Variants in ASB2 observed in about 807,000 individuals in gnomAD.
ASB2 encodes the protein ankyrin repeat and SOCS box protein 2.
Under a neutral mutation model 62.4 loss-of-function variants are expected in ASB2, and 58 were observed. The observed-to-expected ratio is 0.93, with a 90% CI of 0.75 to 1.16. The LOEUF (loss-of-function observed/expected upper bound fraction) is 1.16, where lower values mean the gene tolerates loss of function less well. ASB2 is among the 50% of genes most tolerant of loss of function. The probability of loss-of-function intolerance (pLI) is 0.00; values close to 1 mark genes in which losing one functional copy is unlikely to be tolerated. For synonymous variants in ASB2, 386 were observed against 385.3 expected (o/e 1.00, Z -0.02); for missense variants, 928 against 887.9 (o/e 1.05, Z -0.57).
Position 93,964,378 on chromosome 14 carries a change from A to C in ASB2, c.162T>G (p.Ser54=). 5 of 1,536,130 alleles carry C rather than the reference A, an allele frequency of 3.3e-6. No individual in the cohort carries two copies. The highest frequency in any genetic ancestry group is 2.6e-6 in the Non-Finnish European group (3 of 1,146,890). The stretch of plus-strand genomic sequence containing the variant: ...GGGCAGGTTGGCGGTTGGTACATGC[A>C]GACGCGGTGGCCTCAGCAGTGGTTG... ...RGPTTAEATA[S]ACTNRQPAHF... Residue 54 remains serine, a synonymous_variant, in exon 2 of 10, where the codon TCT becomes TCG. Coordinates refer to ENST00000555019, the MANE Select transcript of ASB2 (RefSeq NM_001202429.2).
chr14:93,947,254 G>A, intron 7 of ASB2, 95 bp downstream of exon 7: 11 of 1,357,518 alleles, frequency 8.1e-6, no homozygotes, highest in Non-Finnish European at 1.1e-5. Flanking sequence ...TAATCCTGTG[G>A]GTGGGACATT....
At chr14:93,948,302 A>C (rs549508095) in intron 6 of ASB2, 1 of 154,402 alleles carries the variant, frequency 6.5e-6, no homozygotes. Context: ...GGCAGAGGCC[A>C]TGGTGGATAT....
Position 93,964,376 on chromosome 14 carries a change from G to T in ASB2, c.164C>A (p.Ala55Glu), listed in dbSNP as rs369625221. ...ATGGGCAGGTTGGCGGTTGGTACATGCAGACGCGGTGGCCTCAGCAGTGGT... is the reference window on the plus strand; with the variant it reads ...ATGGGCAGGTTGGCGGTTGGTACATTCAGACGCGGTGGCCTCAGCAGTGGT... Reference protein sequence around the residue: ...GPTTAEATASACTNRQPAHFY... With the variant: ...GPTTAEATASECTNRQPAHFY... The change falls in exon 2 of 10, where the codon GCA (alanine) becomes GAA (glutamate). Residue 55 changes from alanine (A) to glutamate (E), a missense_variant. Ala to Glu is a moderately radical substitution (Grantham distance 107). Coordinates refer to ENST00000555019, the MANE Select transcript of ASB2 (RefSeq NM_001202429.2). The T allele has an allele frequency of 8.5e-6, 13 of 1,536,154 alleles. No homozygotes were observed. Among genetic ancestry groups the T allele is most frequent in the East Asian group, 4.9e-5 (2 of 40,910 alleles).
chr14:93,943,979 G>A, intron 7 of ASB2: 1 of 456,102 alleles, frequency 2.2e-6, no homozygotes, highest in South Asian at 1.5e-5. Context: ...TAAAAACGAG[G>A]GAGGCAGAAG....
Position 93,964,631 on chromosome 14 carries a change from C to T in ASB2, c.-73-19G>A, listed in dbSNP as rs775744278. The T allele has an allele frequency of 8.4e-7, 1 of 1,187,782 alleles. No homozygotes were observed. The highest frequency in any genetic ancestry group is 1.5e-5 in the African/African-American group (1 of 66,352). 73.6% of individuals were successfully genotyped at this position (1,187,782 alleles called of 1,614,324 possible). ...GAAAACCCTGTGAGGAAACCAAAAC[C>T]ATCCTGGTCACGAACAGTTTTGCAG... On this transcript the variant is annotated intron_variant, in intron 1 of 9. Coordinates refer to ENST00000555019, the MANE Select transcript of ASB2 (RefSeq NM_001202429.2).
chr14:93,935,438 AT>A (rs1475341295), intron 9 of ASB2, among the ~76,000 whole-genome samples: 3 of 152,088 alleles, frequency 2.0e-5, no homozygotes, highest in African/African-American at 7.2e-5. Context: ...TCATTCATTC[AT>A]TCATTCATTC....
chr14:93,970,259 C>T (rs571279265), intron 1 of ASB2, among the ~76,000 whole-genome samples: 1 of 152,228 alleles, frequency 6.6e-6, no homozygotes, highest in Non-Finnish European at 1.5e-5. Context: ...AGCCATCCTC[C>T]ACCACACCAA....
intron 1 of ASB2, chr14:93,969,780 C>T (rs1389966455): frequency 1.3e-5 from 2 of 152,266 alleles, no homozygotes; most frequent in Non-Finnish European, 2.9e-5. Context: ...GAGTGCCTCT[C>T]CTGCCCTCTT....
intron 2 of ASB2, 96 bp downstream of exon 2, chr14:93,964,238 C>CAGGAT (rs1889506660): frequency 8.9e-7 from 1 of 1,119,160 alleles, no homozygotes; most frequent in Non-Finnish European, 1.3e-6. Flanking sequence ...ACCTAGAGAC[C>CAGGAT]AGGATACCGT....
rs566280539 is a variant in ASB2, at chr14:93,961,312, T to A, written c.206+3022A>T. 2.6e-5 allele frequency among the ~76,000 whole-genome samples: 4 copies of A among 152,332 alleles called. No homozygotes were observed. In the South Asian group the frequency reaches 8.3e-4, roughly 32 times the overall value. ...CACCTAAGGTTGCACAGCCAGTAAG[T>A]GTAGAGGAAGAATTTGAATCTCTAG... is the stretch of plus-strand genomic sequence containing the variant. On this transcript the variant is annotated intron_variant, in intron 2 of 9. Coordinates refer to ENST00000555019, the MANE Select transcript of ASB2 (RefSeq NM_001202429.2).
Position 93,951,057 on chromosome 14 carries a change from G to C in ASB2, c.822C>G (p.Pro274=). 1 of 1,614,168 alleles carries C rather than the reference G, an allele frequency of 6.2e-7. No individual in the cohort carries two copies. Among genetic ancestry groups the C allele is most frequent in the South Asian group, 1.1e-5 (1 of 91,088 alleles). The change falls in exon 6 of 10, where the codon CCC becomes CCG. Residue 274 remains proline (P), a synonymous_variant. Transcript: ENST00000555019. ...GTCCACTCTGGGCGGCCACGAACAA[G>C]GGGGTGATGCCGTAGGCGTTCTTGG... ...VESKNAYGIT[P]LFVAAQSGQL...
chr14:93,934,645 C>A lies in ASB2; in HGVS notation c.*11G>T. Reference sequence around the variant, plus strand: ...GTCTGAGGGGCTACTCCTCTCTCCCCGTGGCCCCAGTTACTGGGTGTTCTC... The same window carrying A: ...GTCTGAGGGGCTACTCCTCTCTCCCAGTGGCCCCAGTTACTGGGTGTTCTC... On this transcript the variant is annotated 3_prime_UTR_variant, in exon 10 of 10. Coordinates refer to ENST00000555019, the MANE Select transcript of ASB2 (RefSeq NM_001202429.2). 6.2e-7 allele frequency: 1 copy of A among 1,613,824 alleles called. No homozygotes were observed. Among genetic ancestry groups the A allele is most frequent in the Non-Finnish European group, 8.5e-7 (1 of 1,179,826 alleles).
intron 5 of ASB2, among the ~76,000 whole-genome samples, chr14:93,953,011 C>A (rs1889029551): frequency 6.6e-6 from 1 of 152,190 alleles, no homozygotes; most frequent in Admixed American, 6.5e-5. Flanking sequence ...AGCTCAGGCA[C>A]CCCTCCTCTG....
intron 8 of ASB2, among the ~76,000 whole-genome samples, chr14:93,938,233 C>CTTTTTT (rs35127276): frequency 0.089 from 6,030 of 67,708 alleles, 787 homozygotes; most frequent in East Asian, 0.28. Flanking sequence ...TAAGTTCTGA[C>CTTTTTT]TTTTTTTTTT....
intron 7 of ASB2, among the ~76,000 whole-genome samples, chr14:93,946,909 C>T (rs536280859): frequency 7.9e-5 from 12 of 152,336 alleles, no homozygotes; most frequent in Admixed American, 5.9e-4. Flanking sequence ...AGACTCATAT[C>T]TGCCCCCCAG....
intron 7 of ASB2, chr14:93,942,055 T>G: frequency 2.4e-6 from 1 of 421,806 alleles, no homozygotes; most frequent in South Asian, 1.7e-5. Context: ...ACGATGCCCC[T>G]CTCCTCCCAA....
At chr14:93,956,106 C>A (rs1240768127) in intron 3 of ASB2, among the ~76,000 whole-genome samples, 2 of 152,170 alleles carry the variant, frequency 1.3e-5, no homozygotes, top group Non-Finnish European at 2.9e-5. Context: ...GTGATAGGGT[C>A]CCTCTTTTGC....
rs531168806 is a variant in ASB2 at position 93,954,106 on chromosome 14, T to A, written c.478+211A>T. The stretch of plus-strand genomic sequence containing the variant: ...TCCTTTTCTAGGAATTAGGCTCTCC[T>A]GTCCTTGGAGGCCTGGAGAGGTGGC... On this transcript the variant is annotated intron_variant, in intron 4 of 9. Transcript: ENST00000555019. The A allele has an allele frequency of 9.9e-5, 58 of 583,578 alleles. No homozygotes were observed. The African/African-American group carries it at 1.0e-3, about 11-fold the overall frequency. 36.1% of individuals were successfully genotyped at this position (583,578 alleles called of 1,614,324 possible). A position where few individuals can be genotyped will look rare whatever the true frequency, so the allele number is the denominator to read the frequency against.
rs569962357 is a variant in ASB2, at chr14:93,954,928, C to T, written c.312-445G>A. 5.9e-5 allele frequency among the ~76,000 whole-genome samples: 9 copies of T among 151,970 alleles called. No homozygotes were observed. In the East Asian group the frequency reaches 1.7e-3, roughly 29 times the overall value. On this transcript the variant is annotated intron_variant, in intron 3 of 9. Transcript: ENST00000555019. ...TTATTCCTACTCCCAGTACATCCAG[C>T]TGCAGAAAAAAAATATATACTGGAA...
Sources: gnomAD v4.1 joint callset for allele counts (sites outside exome capture counted in the v4.1 genomes callset) on GRCh38, gnomAD v4.1.1 for gene constraint, MANE v1.5 for transcripts, NCBI Gene and HGNC (gene_info 2026-07-23, HGNC 2026-07-21) for gene names.